Variants in SND1 observed in about 807,000 individuals in gnomAD.
SND1 encodes the protein staphylococcal nuclease domain-containing protein 1.
SND1 carries 38 observed loss-of-function variants against 121.7 expected under a neutral mutation model. The observed-to-expected ratio is 0.31, with a 90% CI of 0.24 to 0.41. SND1 has a LOEUF of 0.41. SND1 is among the 10% of genes least tolerant of loss of function. The pLI, the probability that SND1 is intolerant of heterozygous loss-of-function variation, is 1.00. For missense variants in SND1, 868 were observed against 1,184.6 expected (o/e 0.73, Z 3.92); for synonymous variants, 401 against 447.4 (o/e 0.90, Z 1.31).
At chr7:127,686,506 TGA>T in intron 1 of SND1, 105 bp from the exon 2 acceptor site, 4 of 1,230,062 alleles carry the variant, frequency 3.3e-6, no homozygotes, top group Non-Finnish European at 3.4e-6. Flanking sequence ...TGCATGCCTT[TGA>T]AGTGCAAATG....
At chr7:127,688,109 G>A (rs767259516) in intron 2 of SND1, among the ~76,000 whole-genome samples, 1 of 152,088 alleles carries the variant, frequency 6.6e-6, no homozygotes, top group African/African-American at 2.4e-5. Context: ...AGTTTCTTAA[G>A]GGAACTTATG....
At chr7:127,801,855 T>A (rs1798135527) in intron 10 of SND1, among the ~76,000 whole-genome samples, 1 of 152,108 alleles carries the variant, frequency 6.6e-6, no homozygotes, top group South Asian at 2.1e-4. Flanking sequence ...GAACTCTTTT[T>A]TTTTGAGACA....
intron 16 of SND1, among the ~76,000 whole-genome samples, chr7:128,043,348 C>A (rs1562880202): frequency 6.6e-6 from 1 of 152,096 alleles, no homozygotes; most frequent in South Asian, 2.1e-4. Flanking sequence ...CCAAGGCAGG[C>A]AGATCACTTG....
chr7:127,661,080 T>C (rs1461347067), intron 1 of SND1, among the ~76,000 whole-genome samples: 1 of 152,250 alleles, frequency 6.6e-6, no homozygotes. Flanking sequence ...GTGAAATGTA[T>C]GTATGTGGGG....
chr7:127,863,357 C>T lies in SND1; in HGVS notation c.1343+18933C>T, dbSNP rs114627142. ...AAGCATTACAAATGTTCCATGGAAG[C>T]GAGGTGCCAGTTTATTTACTGTAGA... On this transcript the variant is annotated intron_variant, in intron 12 of 23. Coordinates refer to ENST00000354725, the MANE Select transcript of SND1 (RefSeq NM_014390.4). 9.3e-3 allele frequency among the ~76,000 whole-genome samples: 1,421 copies of T among 152,144 alleles called. 26 individuals are homozygous for T. The highest frequency in any genetic ancestry group is 0.032 in the African/African-American group (1,344 of 41,492).
Position 127,686,764 on chromosome 7 carries a change from T to C in SND1, c.228+2T>C. The stretch of plus-strand genomic sequence containing the variant: ...GATGCAAAGGATACCCCTGATGAGG[T>C]AGGTGTTTCCTGAGGCCATCGTGAG... On this transcript the variant is annotated splice_donor_variant, in intron 2 of 23. Coordinates refer to ENST00000354725, the MANE Select transcript of SND1 (RefSeq NM_014390.4). LOFTEE classifies it high-confidence loss of function. 1.2e-6 allele frequency: 2 copies of C among 1,612,204 alleles called. No individual in the cohort carries two copies. Among genetic ancestry groups the C allele is most frequent in the Non-Finnish European group, 1.7e-6 (2 of 1,178,436 alleles).
At chr7:128,028,773 A>C in intron 16 of SND1, 1 of 1,614,052 alleles carries the variant, frequency 6.2e-7, no homozygotes, top group East Asian at 2.2e-5. Context: ...AGAGTTCCCC[A>C]GGCTGTTTTC....
At position 127,686,631 on chromosome 7, in the gene SND1, A is replaced by G. The variant is rs1262008140; in HGVS notation, c.97A>G (p.Ile33Val). Residue 33 changes from isoleucine to valine, a missense_variant, in exon 2 of 24, where the codon ATC becomes GTC. Transcript: ENST00000354725. ...IIKMVLSGCA[I>V]IVRGQPRGGP... ...TACGTAGGTCCTCTCAGGGTGCGCC[A>G]TCATTGTCCGAGGTCAGCCTCGTGG... The G allele has an allele frequency of 6.2e-7, 1 of 1,614,014 alleles. No individual in the cohort carries two copies. The highest frequency in any genetic ancestry group is 2.2e-5 in the East Asian group (1 of 44,878).
intron 16 of SND1, among the ~76,000 whole-genome samples, chr7:128,058,674 C>T (rs1026068193): frequency 3.3e-5 from 5 of 152,248 alleles, no homozygotes; most frequent in Non-Finnish European, 7.3e-5. Flanking sequence ...TTTTTCTCCT[C>T]TTTCTGACTC....
chr7:127,702,190 G>C (rs569900649), intron 5 of SND1, among the ~76,000 whole-genome samples: 2 of 152,280 alleles, frequency 1.3e-5, no homozygotes, highest in Admixed American at 1.3e-4. Context: ...TTCAGTGTGA[G>C]CCATGAGGTC....
intron 16 of SND1, among the ~76,000 whole-genome samples, chr7:128,042,937 C>A (rs986000939): frequency 2.0e-5 from 3 of 152,188 alleles, no homozygotes; most frequent in Non-Finnish European, 4.4e-5. Context: ...GACTCACTTG[C>A]TTAGGTGAAC....
chr7:128,065,895 G>T (rs576429642), intron 16 of SND1, among the ~76,000 whole-genome samples: 1 of 152,204 alleles, frequency 6.6e-6, no homozygotes, highest in African/African-American at 2.4e-5. Context: ...AGATGGGTCC[G>T]GGACAGAATG....
intron 16 of SND1, among the ~76,000 whole-genome samples, chr7:128,064,385 G>A (rs955760073): frequency 3.3e-5 from 5 of 152,172 alleles, no homozygotes; most frequent in African/African-American, 1.2e-4. Context: ...ACAGCAGTGG[G>A]GGACCTGTTA....
chr7:127,961,785 G>A (rs1411746050), intron 15 of SND1, among the ~76,000 whole-genome samples: 1 of 152,182 alleles, frequency 6.6e-6, no homozygotes, highest in Non-Finnish European at 1.5e-5. Flanking sequence ...AAATGCCAGT[G>A]TCCACTCCCT....
chr7:128,080,351 C>T (rs889056649), intron 17 of SND1, among the ~76,000 whole-genome samples: 9 of 152,248 alleles, frequency 5.9e-5, no homozygotes, highest in African/African-American at 2.2e-4. Flanking sequence ...TGAGCCACTG[C>T]AGCCCTGACA....
intron 5 of SND1, 29 bp downstream of exon 5, chr7:127,701,352 A>T: frequency 6.3e-7 from 1 of 1,597,326 alleles, no homozygotes; most frequent in Non-Finnish European, 8.5e-7. Flanking sequence ...GACAGATACG[A>T]CTCAGGGTGA....
intron 3 of SND1, among the ~76,000 whole-genome samples, chr7:127,697,577 C>T (rs540392170): frequency 3.9e-5 from 6 of 152,292 alleles, no homozygotes; most frequent in Admixed American, 3.9e-4. Context: ...CTTGGAAGAA[C>T]CAATGCAAAA....
intron 14 of SND1, among the ~76,000 whole-genome samples, chr7:127,913,424 A>C (rs1368601565): frequency 6.6e-6 from 1 of 152,226 alleles, no homozygotes; most frequent in Non-Finnish European, 1.5e-5. Context: ...GTTCAAAGAC[A>C]TGAGAAAGGA....
At chr7:128,050,953 C>G (rs1262255134) in intron 16 of SND1, among the ~76,000 whole-genome samples, 1 of 152,242 alleles carries the variant, frequency 6.6e-6, no homozygotes, top group East Asian at 1.9e-4. Flanking sequence ...TGACCGTAGA[C>G]TCCACCAAAT....
Sources: allele counts gnomAD v4.1 joint callset (sites outside exome capture counted in the v4.1 genomes callset), GRCh38; gene constraint gnomAD v4.1.1; transcripts MANE v1.5; gene names NCBI Gene and HGNC (gene_info 2026-07-23, HGNC 2026-07-21).